Variants in SRP54 observed in about 807,000 individuals in gnomAD.
SRP54 encodes signal recognition particle subunit SRP54.
SRP54 carries 10 observed loss-of-function variants against 64.8 expected under a neutral mutation model. That is an observed-to-expected ratio of 0.15 (90% CI 0.10 to 0.26). The LOEUF (loss-of-function observed/expected upper bound fraction) is 0.26. Among genes scored for constraint, SRP54 ranks in the 10% least tolerant of loss-of-function variants. SRP54 has a pLI of 1.00. For missense variants in SRP54, 325 were observed against 613.7 expected, an observed-to-expected ratio of 0.53 and a Z score of 4.97; for synonymous variants, 193 against 185.6, an observed-to-expected ratio of 1.04 and a Z score of -0.32.
chr14:34,991,794 T>G (rs748255968), intron 1 of SRP54, among the ~76,000 whole-genome samples: 7 of 151,956 alleles, frequency 4.6e-5, no homozygotes, highest in Non-Finnish European at 1.0e-4. Flanking sequence ...GCAATGGAAG[T>G]CATTGAGATT....
At chr14:34,998,322 T>C (rs2044102280) in intron 2 of SRP54, among the ~76,000 whole-genome samples, 1 of 152,182 alleles carries the variant, frequency 6.6e-6, no homozygotes, top group Non-Finnish European at 1.5e-5. Flanking sequence ...GGCTAAAGCC[T>C]CATCTTTTCT....
chr14:35,020,577 G>A (rs1316155176), intron 13 of SRP54, among the ~76,000 whole-genome samples: 1 of 152,112 alleles, frequency 6.6e-6, no homozygotes, highest in Non-Finnish European at 1.5e-5. Flanking sequence ...TCTACTATCT[G>A]ATTTATTGTT....
intron 13 of SRP54, among the ~76,000 whole-genome samples, chr14:35,019,932 C>T (rs2044498635): frequency 6.6e-6 from 1 of 152,194 alleles, no homozygotes; most frequent in South Asian, 2.1e-4. Flanking sequence ...CCTGTAATCC[C>T]AGCACTTTGG....
chr14:35,002,885 A>G (rs2044199540), intron 4 of SRP54, among the ~76,000 whole-genome samples: 1 of 151,748 alleles, frequency 6.6e-6, no homozygotes, highest in Admixed American at 6.6e-5. Flanking sequence ...AGCTGGGGCT[A>G]CAGGTACATG....
At chr14:34,998,009 G>T (rs2044097030) in intron 2 of SRP54, among the ~76,000 whole-genome samples, 1 of 151,976 alleles carries the variant, frequency 6.6e-6, no homozygotes, top group Non-Finnish European at 1.5e-5. Context: ...GCTTAAATTG[G>T]CAGCTTCTCT....
At chr14:35,008,949 C>T (rs2044311173) in intron 7 of SRP54, 118 bp downstream of exon 7, 9 of 734,934 alleles carry the variant, frequency 1.2e-5, no homozygotes, top group Non-Finnish European at 1.7e-5. Flanking sequence ...TGCAATGGTG[C>T]GATCTTGGCT....
intron 11 of SRP54, among the ~76,000 whole-genome samples, chr14:35,016,192 C>A (rs2044436198): frequency 6.6e-6 from 1 of 152,188 alleles, no homozygotes; most frequent in South Asian, 2.1e-4. Context: ...AACAGATCTT[C>A]CATCTTCCTG....
rs376712278 is a variant in SRP54 at position 35,014,290 on chromosome 14, T to TTTTTTTG, written c.886+392_886+393insTTGTTTT. On this transcript the variant is annotated intron_variant, in intron 10 of 15. Coordinates refer to ENST00000216774, the MANE Select transcript of SRP54 (RefSeq NM_003136.4). ...TGCCACTTAACTTTTTTTTTTTTTT[T>TTTTTTTG]TTTTGAGACGGAGTTTCGCTCTTGT... Among the ~76,000 whole-genome samples, 11 of 127,352 alleles carry TTTTTTTG rather than the reference T, an allele frequency of 8.6e-5. 1 individual carries two copies. In the East Asian group the frequency reaches 1.9e-3, roughly 22 times the overall value. 83.5% of individuals were successfully genotyped at this position (127,352 alleles called of 152,430 possible).
At chr14:35,027,026 C>CTACTTTCT (rs2044640496) in intron 14 of SRP54, among the ~76,000 whole-genome samples, 1 of 135,060 alleles carries the variant, frequency 7.4e-6, no homozygotes, top group Non-Finnish European at 1.6e-5. Context: ...TTTCTACTTT[C>CTACTTTCT]TTTTTTTTTT....
chr14:35,020,333 AAGGTGGCT>A lies in SRP54; in HGVS notation c.1156+1260_1156+1267del, dbSNP rs138042359. On this transcript the variant is annotated intron_variant, in intron 13 of 15. Transcript: ENST00000216774. The stretch of plus-strand genomic sequence containing the variant: ...ATTACAGTGATGGTTGCCAAAGGTC[AAGGTGGCT>A]GTGACAATTTCTTAAAACACAAGAA... 6.2e-3 allele frequency among the ~76,000 whole-genome samples: 946 copies of A among 152,358 alleles called. 13 individuals are homozygous for A. The highest frequency in any genetic ancestry group is 0.022 in the African/African-American group (913 of 41,580).
At chr14:35,005,144 C>T (rs1461567860) in intron 4 of SRP54, among the ~76,000 whole-genome samples, 1 of 152,114 alleles carries the variant, frequency 6.6e-6, no homozygotes, top group Non-Finnish European at 1.5e-5. Flanking sequence ...CCAGTCTGGG[C>T]AACATAGCAA....
chr14:34,999,529 T>G (rs761384257), intron 2 of SRP54, 29 bp from the exon 3 acceptor site: 10 of 1,554,968 alleles, frequency 6.4e-6, no homozygotes, highest in Non-Finnish European at 8.0e-6. Context: ...ATTGGGTGCT[T>G]TAAATTTCAT....
intron 1 of SRP54, among the ~76,000 whole-genome samples, chr14:34,988,578 A>AAAAAATAT (rs1384552218): frequency 0.054 from 2,551 of 46,966 alleles, 315 homozygotes; most frequent in East Asian, 0.11. Context: ...AAAAAAAAAA[A>AAAAAATAT]ATATATATAT....
intron 3 of SRP54, chr14:35,000,005 ATGATCT>A (rs2044144179): frequency 6.3e-6 from 1 of 158,476 alleles, no homozygotes; most frequent in Non-Finnish European, 1.4e-5. Context: ...TAGGCTTAAG[ATGATCT>A]TAATCAACCT....
chr14:34,997,206 C>T (rs2044085090), intron 2 of SRP54, among the ~76,000 whole-genome samples: 2 of 152,102 alleles, frequency 1.3e-5, no homozygotes, highest in African/African-American at 4.8e-5. Flanking sequence ...TTATAAAAGG[C>T]TAGCATTTCC....
At chr14:35,001,214 T>C (rs1446399785) in intron 4 of SRP54, among the ~76,000 whole-genome samples, 194 bp downstream of exon 4, 1 of 150,916 alleles carries the variant, frequency 6.6e-6, no homozygotes, top group East Asian at 1.9e-4. Flanking sequence ...TCACTCTTGT[T>C]GCCCAGGCTG....
intron 4 of SRP54, among the ~76,000 whole-genome samples, chr14:35,003,680 A>G (rs1466710420): frequency 6.7e-6 from 1 of 148,252 alleles, no homozygotes; most frequent in Non-Finnish European, 1.5e-5. Flanking sequence ...GGTGATCCCT[A>G]CACCTGAGCC....
rs2044037861 is a variant in SRP54 at position 34,994,629 on chromosome 14, C to T, written c.-33-2048C>T. The stretch of plus-strand genomic sequence containing the variant: ...AAGTATGTCCCAGACTTACCTCTCT[C>T]TCCATTTCTGCTTATGCTATTTCAT... On this transcript the variant is annotated intron_variant, in intron 1 of 15. Transcript: ENST00000216774. 2.0e-5 allele frequency among the ~76,000 whole-genome samples: 3 copies of T among 152,154 alleles called. No homozygotes were observed. In the South Asian group the frequency reaches 6.2e-4, roughly 31 times the overall value.
At chr14:35,001,065 TAAA>T (rs752081327) in intron 4 of SRP54, 45 bp downstream of exon 4, 11 of 981,140 alleles carry the variant, frequency 1.1e-5, no homozygotes, top group Non-Finnish European at 1.7e-5. Flanking sequence ...ACTCAGTGGA[TAAA>T]AAAGCGTTAG....
Sources: allele counts gnomAD v4.1 joint callset (sites outside exome capture counted in the v4.1 genomes callset), GRCh38; gene constraint gnomAD v4.1.1; transcripts MANE v1.5; gene names NCBI Gene and HGNC (gene_info 2026-07-23, HGNC 2026-07-21).